PSMD14: variants seen among roughly 807,000 people sequenced by gnomAD.
PSMD14 encodes proteasome 26S subunit, non-ATPase 14.
Under a neutral mutation model 41.2 loss-of-function variants are expected in PSMD14, and 7 were observed. That is an observed-to-expected ratio of 0.17 (90% CI 0.10 to 0.32). PSMD14 has a LOEUF of 0.32. Among genes scored for constraint, PSMD14 ranks in the 10% least tolerant of loss-of-function variants. PSMD14 has a pLI of 1.00. For missense variants in PSMD14, 139 were observed against 375.6 expected (o/e 0.37, Z 5.21); for synonymous variants, 114 against 122.3 (o/e 0.93, Z 0.45).
At chr2:161,312,145 A>AC (rs1689095123) in intron 1 of PSMD14, among the ~76,000 whole-genome samples, 1 of 142,474 alleles carries the variant, frequency 7.0e-6, no homozygotes, top group Non-Finnish European at 1.6e-5. Context: ...CTGAAAAGTA[A>AC]TTTTTTTTTT....
chr2:161,329,318 CT>C (rs1202071942), intron 3 of PSMD14, among the ~76,000 whole-genome samples: 1 of 152,048 alleles, frequency 6.6e-6, no homozygotes, highest in South Asian at 2.1e-4. Flanking sequence ...TACAATTAGT[CT>C]TTTTTTATAT....
intron 3 of PSMD14, among the ~76,000 whole-genome samples, chr2:161,360,271 C>G (rs923912077): frequency 2.0e-5 from 3 of 151,104 alleles, no homozygotes; most frequent in Non-Finnish European, 4.4e-5. Flanking sequence ...CTCACTGCAG[C>G]CTTGACCTGG....
chr2:161,365,513 T>G (rs545016096), intron 3 of PSMD14, among the ~76,000 whole-genome samples: 26 of 152,144 alleles, frequency 1.7e-4, no homozygotes, highest in Non-Finnish European at 3.2e-4. Context: ...TGATGTTTTA[T>G]TTCCCTTTTT....
At chr2:161,406,048 T>G (rs1683943680) in intron 10 of PSMD14, among the ~76,000 whole-genome samples, 1 of 152,102 alleles carries the variant, frequency 6.6e-6, no homozygotes. Context: ...TGGAGATCCT[T>G]AAGAGTGTTA....
At chr2:161,312,154 T>A (rs541209494) in intron 1 of PSMD14, among the ~76,000 whole-genome samples, 17 of 152,082 alleles carry the variant, frequency 1.1e-4, no homozygotes, top group African/African-American at 3.9e-4. Flanking sequence ...AATTTTTTTT[T>A]TTTTTTTGAG....
At chr2:161,333,911 A>G (rs1419620999) in intron 3 of PSMD14, among the ~76,000 whole-genome samples, 3 of 152,120 alleles carry the variant, frequency 2.0e-5, no homozygotes, top group African/African-American at 7.2e-5. Flanking sequence ...TGCACCTGTA[A>G]TCACAGCTAC....
At chr2:161,385,691 T>C (rs1683625471) in intron 8 of PSMD14, 120 bp downstream of exon 8, 2 of 578,344 alleles carry the variant, frequency 3.5e-6, no homozygotes, top group South Asian at 6.2e-5. Flanking sequence ...ATTTTTCTTT[T>C]GTTTTAAAAG....
intron 3 of PSMD14, among the ~76,000 whole-genome samples, chr2:161,346,429 A>G (rs970379418): frequency 1.3e-5 from 2 of 151,842 alleles, no homozygotes; most frequent in Non-Finnish European, 2.9e-5. Flanking sequence ...AAAAACTTCT[A>G]AATGTCTTTG....
At chr2:161,370,368 C>G (rs1683416010) in intron 6 of PSMD14, among the ~76,000 whole-genome samples, 191 bp downstream of exon 6, 2 of 152,066 alleles carry the variant, frequency 1.3e-5, no homozygotes, top group Non-Finnish European at 2.9e-5. Context: ...GAGAAATTTG[C>G]CCATCAGAGA....
At chr2:161,316,308 G>T (rs1178260395) in intron 1 of PSMD14, 129 bp from the exon 2 acceptor site, 1 of 152,122 alleles carries the variant, frequency 6.6e-6, no homozygotes, top group Non-Finnish European at 1.5e-5. Context: ...CTCAGAAAAA[G>T]ATTATTAAAA....
intron 10 of PSMD14, among the ~76,000 whole-genome samples, chr2:161,396,129 T>A (rs1683790105): frequency 6.6e-6 from 1 of 152,160 alleles, no homozygotes; most frequent in Admixed American, 6.5e-5. Context: ...GGTTGCTGCC[T>A]TACAGATAAA....
At chr2:161,394,042 C>T (rs1464577633) in intron 9 of PSMD14, among the ~76,000 whole-genome samples, 1 of 141,912 alleles carries the variant, frequency 7.0e-6, no homozygotes, top group Non-Finnish European at 1.5e-5. Context: ...GTGACCTCAG[C>T]TCACTGCAAC....
chr2:161,353,507 GTC>G (rs1000812485), intron 3 of PSMD14, among the ~76,000 whole-genome samples: 3 of 152,156 alleles, frequency 2.0e-5, no homozygotes, highest in Non-Finnish European at 1.5e-5. Context: ...TGTGTTTTAT[GTC>G]TCTCTGCCTT....
chr2:161,389,912 T>TTTTTTTTTTTTTTTTTTTTTA (rs1299369817), intron 8 of PSMD14, among the ~76,000 whole-genome samples: 1 of 130,288 alleles, frequency 7.7e-6, no homozygotes, highest in African/African-American at 3.3e-5. Flanking sequence ...TTTTTTTTTT[T>TTTTTTTTTTTTTTTTTTTTTA]AGAGATGGGG....
chr2:161,349,962 T>C (rs1683096415), intron 3 of PSMD14, among the ~76,000 whole-genome samples: 1 of 152,222 alleles, frequency 6.6e-6, no homozygotes, highest in Admixed American at 6.5e-5. Context: ...TGTATAACAT[T>C]GAGATGTAGA....
chr2:161,311,733 T>C (rs1689089809), intron 1 of PSMD14, among the ~76,000 whole-genome samples: 1 of 144,484 alleles, frequency 6.9e-6, no homozygotes, highest in African/African-American at 2.6e-5. Context: ...CCAGGCTGCC[T>C]CAGCCTGCCT....
At chr2:161,409,250 G>T (rs1253118955) in intron 11 of PSMD14, among the ~76,000 whole-genome samples, 1 of 152,010 alleles carries the variant, frequency 6.6e-6, no homozygotes, top group African/African-American at 2.4e-5. Context: ...TGTTAATCAT[G>T]TACTTTATCA....
At chr2:161,388,575 A>C (rs770836369) in intron 8 of PSMD14, among the ~76,000 whole-genome samples, 3 of 152,116 alleles carry the variant, frequency 2.0e-5, no homozygotes, top group Non-Finnish European at 4.4e-5. Context: ...CTCTAGAGGG[A>C]ACCACAAAAC....
At chr2:161,312,637 A>G (rs1689103007) in intron 1 of PSMD14, among the ~76,000 whole-genome samples, 1 of 152,238 alleles carries the variant, frequency 6.6e-6, no homozygotes, top group Non-Finnish European at 1.5e-5. Context: ...TAAACACTTT[A>G]TTCATATTGT....
Sources: allele counts gnomAD v4.1 joint callset (sites outside exome capture counted in the v4.1 genomes callset), GRCh38; gene constraint gnomAD v4.1.1; transcripts MANE v1.5; gene names NCBI Gene and HGNC (gene_info 2026-07-23, HGNC 2026-07-21).